ATP2C2: variants seen among roughly 807,000 people sequenced by gnomAD.
ATP2C2 encodes calcium-transporting ATPase type 2C member 2.
A neutral mutation model predicts 110.8 loss-of-function variants in ATP2C2; 171 were observed. The observed-to-expected ratio is 1.54, with a 90% CI of 1.36 to 1.75. ATP2C2 has a LOEUF of 1.75. Among genes scored for constraint, ATP2C2 ranks in the 40% most tolerant of loss-of-function variants. The pLI is 0.00. For synonymous variants in ATP2C2, 804 were observed against 508.4 expected (o/e 1.58, Z -7.82); for missense variants, 1,963 against 1,235.0 (o/e 1.59, Z -8.84).
At chr16:84,461,681 G>T (rs375230852) in intron 24 of ATP2C2, 33 bp from the exon 25 acceptor site, 4 of 1,590,162 alleles carry the variant, frequency 2.5e-6, no homozygotes, top group Non-Finnish European at 3.5e-6. Context: ...GTCTCTTCCC[G>T]CCTAACCTCT....
At chr16:84,432,053 C>A (rs1908326428) in intron 11 of ATP2C2, among the ~76,000 whole-genome samples, 1 of 152,110 alleles carries the variant, frequency 6.6e-6, no homozygotes, top group Admixed American at 6.5e-5. Flanking sequence ...GATGGCAAAC[C>A]TGGATGGCCG....
rs758089351 is a variant in ATP2C2 at position 84,454,984 on chromosome 16, T to C, written c.2147T>C (p.Met716Thr). The C allele has an allele frequency of 6.6e-5, 106 of 1,613,082 alleles. No homozygotes were observed. Among genetic ancestry groups the C allele is most frequent in the Non-Finnish European group, 8.5e-5 (100 of 1,179,602 alleles). ...ILVDDDFSAIMNAVEEGKGIF... is the reference protein window; with the variant it reads ...ILVDDDFSAITNAVEEGKGIF... ...GTGGATGATGACTTCTCAGCCATCA[T>C]GTAAGCTGCCCTTCTGGTTGTTTTT... Residue 716 changes from methionine to threonine, a missense_variant and splice_region_variant, in exon 21 of 27, where the codon ATG (methionine) becomes ACG (threonine). Physicochemically the swap from Met to Thr is moderately conservative, Grantham distance 81 (BLOSUM62 -1). Coordinates refer to ENST00000262429, the MANE Select transcript of ATP2C2 (RefSeq NM_014861.4).
intron 1 of ATP2C2, among the ~76,000 whole-genome samples, chr16:84,387,266 A>G (rs1904365820): frequency 6.6e-6 from 1 of 152,162 alleles, no homozygotes; most frequent in South Asian, 2.1e-4. Flanking sequence ...TCGTGCCTGT[A>G]ATCCCAGCGC....
At chr16:84,447,284 C>T (rs1472729391) in intron 16 of ATP2C2, among the ~76,000 whole-genome samples, 1 of 152,230 alleles carries the variant, frequency 6.6e-6, no homozygotes, top group East Asian at 1.9e-4. Flanking sequence ...ATTTCAGGGG[C>T]TTAGAAGGGA....
intron 17 of ATP2C2, 128 bp from the exon 18 acceptor site, chr16:84,451,793 A>T: frequency 2.2e-6 from 2 of 925,624 alleles, no homozygotes; most frequent in Non-Finnish European, 3.3e-6. Context: ...AGCCAACATT[A>T]CACCACTGCA....
Position 84,410,709 on chromosome 16 carries a change from C to G in ATP2C2, c.459C>G (p.Tyr153Ter). 1 of 1,614,148 alleles carries G rather than the reference C, an allele frequency of 6.2e-7. No individual in the cohort carries two copies. Among genetic ancestry groups the G allele is most frequent in the Non-Finnish European group, 8.5e-7 (1 of 1,180,020 alleles). ...TCTGATGTGCTTCCTGCCAGGAGTACAGGTCGGAGAAATCTCTGGAAGAGC... is the reference window on the plus strand; with the variant it reads ...TCTGATGTGCTTCCTGCCAGGAGTAGAGGTCGGAGAAATCTCTGGAAGAGC... ...VVVTVAFIQE[Y>*]RSEKSLEELT... is the part of the protein sequence containing the mutation. The change falls in exon 6 of 27, where the codon TAC becomes TAG. Residue 153 changes from tyrosine to a stop codon, truncating the protein, a stop_gained. Coordinates refer to ENST00000262429, the MANE Select transcript of ATP2C2 (RefSeq NM_014861.4). LOFTEE classifies it high-confidence loss of function.
At chr16:84,459,540 G>A (rs1216700611) in intron 23 of ATP2C2, 154 bp downstream of exon 23, 1 of 1,540,900 alleles carries the variant, frequency 6.5e-7, no homozygotes, top group South Asian at 1.2e-5. Context: ...TTGCACTGCA[G>A]TGAGACTGGG....
intron 2 of ATP2C2, among the ~76,000 whole-genome samples, chr16:84,400,072 C>G (rs1174341586): frequency 6.6e-6 from 1 of 152,162 alleles, no homozygotes; most frequent in East Asian, 1.9e-4. Flanking sequence ...CCAGTTCCAT[C>G]CATGTTGTTG....
At chr16:84,408,711 G>A (rs978643682) in intron 4 of ATP2C2, among the ~76,000 whole-genome samples, 1 of 152,140 alleles carries the variant, frequency 6.6e-6, no homozygotes, top group Non-Finnish European at 1.5e-5. Flanking sequence ...ACACACAGGT[G>A]CTTCTGGGTC....
intron 1 of ATP2C2, among the ~76,000 whole-genome samples, chr16:84,379,898 G>A (rs1448654808): frequency 6.6e-6 from 1 of 152,160 alleles, no homozygotes; most frequent in East Asian, 1.9e-4. Flanking sequence ...AAAGAAGGTA[G>A]GTATGGCCTG....
At chr16:84,378,944 T>C (rs1312909146) in intron 1 of ATP2C2, among the ~76,000 whole-genome samples, 5 of 151,950 alleles carry the variant, frequency 3.3e-5, no homozygotes, top group Non-Finnish European at 2.9e-5. Context: ...GCCACTCCTC[T>C]GGCCCTCACC....
At chr16:84,402,973 C>G (rs535168539) in intron 2 of ATP2C2, among the ~76,000 whole-genome samples, 20 of 152,272 alleles carry the variant, frequency 1.3e-4, no homozygotes, top group African/African-American at 4.8e-4. Context: ...TGTTATTGGT[C>G]TATTCAGCTT....
At chr16:84,432,422 C>G (rs988384414) in intron 11 of ATP2C2, among the ~76,000 whole-genome samples, 3 of 152,150 alleles carry the variant, frequency 2.0e-5, no homozygotes, top group East Asian at 1.9e-4. Flanking sequence ...TGGCCTAATG[C>G]TCTCCCCCGA....
chr16:84,460,735 C>T lies in ATP2C2; in HGVS notation c.2415C>T (p.Leu805=). 2.5e-6 allele frequency: 4 copies of T among 1,614,182 alleles called. No individual in the cohort carries two copies. Among genetic ancestry groups the T allele is most frequent in the Non-Finnish European group, 2.5e-6 (3 of 1,180,020 alleles). Residue 805 remains leucine (L), a synonymous_variant, in exon 24 of 27, where the codon CTC becomes CTT. Transcript: ENST00000262429. ...SVRDTILSRA[L]ILKILMSAAI... is the part of the protein sequence containing the mutation. ...GGGACACCATCCTCAGCAGAGCCCT[C>T]ATCCTGAAGATCCTCATGTCCGCGG...
At chr16:84,454,556 C>T (rs1457565506) in intron 20 of ATP2C2, among the ~76,000 whole-genome samples, 1 of 152,174 alleles carries the variant, frequency 6.6e-6, no homozygotes, top group Admixed American at 6.5e-5. Context: ...GTGCTGGGCA[C>T]CGTCACATCC....
At chr16:84,417,477 T>C (rs1022101711) in intron 7 of ATP2C2, among the ~76,000 whole-genome samples, 3 of 152,230 alleles carry the variant, frequency 2.0e-5, no homozygotes, top group Admixed American at 1.3e-4. Flanking sequence ...CACCAGATAC[T>C]TGTGATTGCT....
At chr16:84,462,223 G>C (rs951423826) in intron 26 of ATP2C2, 94 bp downstream of exon 26, 1 of 1,499,216 alleles carries the variant, frequency 6.7e-7, no homozygotes, top group Non-Finnish European at 9.0e-7. Context: ...GGAGGGGTCA[G>C]TGCGGGAAAG....
At chr16:84,454,787 T>C in intron 20 of ATP2C2, 31 bp from the exon 21 acceptor site, 8 of 1,554,142 alleles carry the variant, frequency 5.1e-6, no homozygotes, top group Non-Finnish European at 6.1e-6. Context: ...GTCGTCAGGC[T>C]GCAGGCCTTC....
In ATP2C2 at chr16:84,415,523, C is replaced by A; in HGVS notation, c.556C>A (p.Leu186Met). The A allele has an allele frequency of 1.2e-6, 2 of 1,614,164 alleles. No individual in the cohort carries two copies. The highest frequency in any genetic ancestry group is 8.5e-7 in the Non-Finnish European group (1 of 1,180,024). ...ACTCCAGCACCTGCTTGCTCGAGAA[C>A]TGGTTCCTGGTGATGTCGTATCTCT... ...GKLQHLLARE[L>M]VPGDVVSLSI... is the part of the protein sequence containing the mutation. Residue 186 changes from leucine (L) to methionine (M), a missense_variant, in exon 7 of 27, where the codon CTG becomes ATG. Coordinates refer to ENST00000262429, the MANE Select transcript of ATP2C2 (RefSeq NM_014861.4).
Sources: gnomAD v4.1 joint callset for allele counts (sites outside exome capture counted in the v4.1 genomes callset) on GRCh38, gnomAD v4.1.1 for gene constraint, MANE v1.5 for transcripts, NCBI Gene and HGNC (gene_info 2026-07-23, HGNC 2026-07-21) for gene names.